SEMA6A: variants seen among roughly 807,000 people sequenced by gnomAD.
The protein encoded by SEMA6A is semaphorin 6A.
Under a neutral mutation model 96.8 loss-of-function variants are expected in SEMA6A, and 25 were observed. That is an observed-to-expected ratio of 0.26 (90% CI 0.19 to 0.36). The LOEUF is 0.36. Among genes scored for constraint, SEMA6A ranks in the 10% least tolerant of loss-of-function variants. The probability of loss-of-function intolerance (pLI) is 1.00; values close to 1 mark genes in which losing one functional copy is unlikely to be tolerated. For synonymous variants in SEMA6A, 612 were observed against 518.0 expected (o/e 1.18, Z -2.46); for missense variants, 1,363 against 1,323.1 (o/e 1.03, Z -0.47).
intron 1 of SEMA6A, among the ~76,000 whole-genome samples, chr5:116,516,411 G>A (rs1216712185): frequency 6.6e-6 from 1 of 152,012 alleles, no homozygotes; most frequent in Non-Finnish European, 1.5e-5. Flanking sequence ...AAAAAAGCCT[G>A]CTTTATGTCT....
chr5:116,448,577 T>G (rs1161323010), intron 18 of SEMA6A, among the ~76,000 whole-genome samples: 1 of 152,106 alleles, frequency 6.6e-6, no homozygotes, highest in African/African-American at 2.4e-5. Context: ...ACTCTGGGCT[T>G]CCAGTTGGGA....
chr5:116,454,166 CCT>C (rs1426601247), intron 18 of SEMA6A, among the ~76,000 whole-genome samples: 1 of 152,094 alleles, frequency 6.6e-6, no homozygotes, highest in Non-Finnish European at 1.5e-5. Flanking sequence ...GACAACAAAG[CCT>C]CTCTGTGTCC....
chr5:116,525,125 T>G (rs942208760), intron 1 of SEMA6A, among the ~76,000 whole-genome samples: 2 of 151,946 alleles, frequency 1.3e-5, no homozygotes, highest in African/African-American at 4.8e-5. Flanking sequence ...GTCTGGGTTG[T>G]TTAAGAAAAT....
intron 1 of SEMA6A, among the ~76,000 whole-genome samples, chr5:116,522,400 G>GT (rs2112818617): frequency 6.6e-6 from 1 of 152,292 alleles, no homozygotes; most frequent in Non-Finnish European, 1.5e-5. Flanking sequence ...TCTCTTCGCA[G>GT]TATGGTCAGC....
chr5:116,446,875 G>T lies in SEMA6A; in HGVS notation c.2831C>A (p.Ser944Tyr), dbSNP rs1754247395. 3.1e-6 allele frequency: 5 copies of T among 1,613,994 alleles called. No individual in the cohort carries two copies. The East Asian group carries it at 8.9e-5, about 29-fold the overall frequency. The change falls in exon 19 of 19, where the codon TCC becomes TAC. Residue 944 changes from serine (S) to tyrosine (Y), a missense_variant. Ser to Tyr is a moderately radical substitution (Grantham distance 144). Coordinates refer to ENST00000343348, the MANE Select transcript of SEMA6A (RefSeq NM_020796.5). ...GCTCTGGTTTCTGGAGAGGTGAGAGGAATTGGAGGAGTTAGTGTTGTTTCT... is the reference window on the plus strand; with the variant it reads ...GCTCTGGTTTCTGGAGAGGTGAGAGTAATTGGAGGAGTTAGTGTTGTTTCT... ...LKRNNTNSSNSSHLSRNQSFG... is the reference protein window; with the variant it reads ...LKRNNTNSSNYSHLSRNQSFG...
rs1166901457 is a variant in SEMA6A, at chr5:116,488,186, A to G, written c.666T>C (p.Phe222=). ...HDSKWLKEPY[F]VQAVDYGDYI... ...AATCTCCGTAATCCACGGCTTGAAC[A>G]AAGTATGGTTCTGTAGACAAACAGG... The change falls in exon 9 of 19, where the codon TTT becomes TTC. Residue 222 remains phenylalanine, a synonymous_variant. Coordinates refer to ENST00000343348, the MANE Select transcript of SEMA6A (RefSeq NM_020796.5). 2 of 1,609,320 alleles carry G rather than the reference A, an allele frequency of 1.2e-6. No homozygotes were observed. The highest frequency in any genetic ancestry group is 1.7e-5 in the Admixed American group (1 of 59,758).
chr5:116,480,798 T>A (rs1756720106), intron 11 of SEMA6A, among the ~76,000 whole-genome samples: 1 of 152,162 alleles, frequency 6.6e-6, no homozygotes, highest in African/African-American at 2.4e-5. Flanking sequence ...TTTGGTTTTG[T>A]TTCTTATTGT....
At chr5:116,496,774 A>T (rs886592781) in intron 4 of SEMA6A, among the ~76,000 whole-genome samples, 1 of 152,212 alleles carries the variant, frequency 6.6e-6, no homozygotes, top group Non-Finnish European at 1.5e-5. Context: ...CAAAGATTTA[A>T]TTCAGGTTAT....
rs1318688734 is a variant in SEMA6A at position 116,444,230 on chromosome 5, G to C, written c.*2383C>G. The C allele has an allele frequency of 2.1e-5, 3 of 146,202 alleles. No homozygotes were observed. Among genetic ancestry groups the C allele is most frequent in the Admixed American group, 2.0e-4 (3 of 14,850 alleles). 9.1% of individuals were successfully genotyped at this position (146,202 alleles called of 1,614,324 possible). On this transcript the variant is annotated 3_prime_UTR_variant, in exon 19 of 19. Coordinates refer to ENST00000343348, the MANE Select transcript of SEMA6A (RefSeq NM_020796.5). The stretch of plus-strand genomic sequence containing the variant: ...TGTGAACATGGATTCCATTACAAAA[G>C]CCAAAAAAAAAAAAAGTAAAAACAA...
At chr5:116,557,828 G>T (rs1419423205) in intron 1 of SEMA6A, among the ~76,000 whole-genome samples, 1 of 152,090 alleles carries the variant, frequency 6.6e-6, no homozygotes, top group South Asian at 2.1e-4. Flanking sequence ...ACCTTTCCGG[G>T]GATCTAAACA....
At chr5:116,460,360 G>C (rs1208487222) in intron 18 of SEMA6A, among the ~76,000 whole-genome samples, 1 of 151,924 alleles carries the variant, frequency 6.6e-6, no homozygotes, top group African/African-American at 2.4e-5. Flanking sequence ...TATTTTTCGT[G>C]GAATAAGATT....
chr5:116,485,453 A>C (rs1191408628), intron 10 of SEMA6A, among the ~76,000 whole-genome samples: 1 of 152,214 alleles, frequency 6.6e-6, no homozygotes, highest in Non-Finnish European at 1.5e-5. Context: ...TTTATCCACA[A>C]GTCTAAAAAT....
intron 1 of SEMA6A, among the ~76,000 whole-genome samples, chr5:116,508,751 T>C (rs991975326): frequency 3.3e-5 from 5 of 152,190 alleles, no homozygotes; most frequent in African/African-American, 9.7e-5. Flanking sequence ...GAGTTGAGCA[T>C]TGGCTGCCCC....
intron 1 of SEMA6A, among the ~76,000 whole-genome samples, chr5:116,565,519 T>C (rs938960722): frequency 6.6e-6 from 1 of 152,226 alleles, no homozygotes; most frequent in African/African-American, 2.4e-5. Flanking sequence ...TTAACAAGTA[T>C]TCTTATAAAA....
chr5:116,475,777 C>T (rs1421985840), intron 15 of SEMA6A, among the ~76,000 whole-genome samples, 174 bp from the exon 16 acceptor site: 1 of 152,074 alleles, frequency 6.6e-6, no homozygotes, highest in Non-Finnish European at 1.5e-5. Flanking sequence ...AGAAACGAGT[C>T]TTAGGTGACT....
chr5:116,515,956 C>G (rs998204104), intron 1 of SEMA6A, among the ~76,000 whole-genome samples: 4 of 152,186 alleles, frequency 2.6e-5, no homozygotes, highest in Non-Finnish European at 4.4e-5. Flanking sequence ...TAAATCCTTA[C>G]TGTTTTCTTG....
At chr5:116,493,744 A>G (rs1274336629) in intron 6 of SEMA6A, among the ~76,000 whole-genome samples, 1 of 152,092 alleles carries the variant, frequency 6.6e-6, no homozygotes, top group African/African-American at 2.4e-5. Flanking sequence ...CCAGCCTATC[A>G]TTGCTTTTCT....
In SEMA6A at chr5:116,482,586, A is replaced by G. The variant is rs1580417223; in HGVS notation, c.963-11T>C. 5.0e-6 allele frequency: 8 copies of G among 1,613,112 alleles called. No homozygotes were observed. The highest frequency in any genetic ancestry group is 2.2e-5 in the East Asian group (1 of 44,848). ...GCAGACCCAGGGATGCTACAACATG[A>G]TATTTCACATCAAGTGTTACTCATG... On this transcript the variant is annotated splice_polypyrimidine_tract_variant and intron_variant, in intron 10 of 18. Transcript: ENST00000343348.
intron 18 of SEMA6A, among the ~76,000 whole-genome samples, chr5:116,448,777 C>G (rs779939363): frequency 1.3e-5 from 1 of 76,322 alleles, no homozygotes; most frequent in African/African-American, 4.6e-5. Flanking sequence ...AAAAAAAAAA[C>G]AGTGCAAACT....
Sources: gnomAD v4.1 joint callset for allele counts (sites outside exome capture counted in the v4.1 genomes callset) on GRCh38, gnomAD v4.1.1 for gene constraint, MANE v1.5 for transcripts, NCBI Gene and HGNC (gene_info 2026-07-23, HGNC 2026-07-21) for gene names.